The following MTHFD1L variants were observed in gnomAD, a reference collection of about 807,000 sequenced individuals.
MTHFD1L encodes monofunctional C1-tetrahydrofolate synthase, mitochondrial.
Under a neutral mutation model 119.5 loss-of-function variants are expected in MTHFD1L, and 81 were observed. That is an observed-to-expected ratio of 0.68 (90% confidence interval 0.57 to 0.82). The LOEUF is 0.82. Among genes scored for constraint, MTHFD1L ranks in the 40% least tolerant of loss-of-function variants. The pLI is 0.00. For missense variants in MTHFD1L, 1,125 were observed against 1,253.4 expected, an observed-to-expected ratio of 0.90 and a Z score of 1.55; for synonymous variants, 430 against 475.2, an observed-to-expected ratio of 0.90 and a Z score of 1.24.
At chr6:150,948,613 C>T (rs937144031) in intron 15 of MTHFD1L, among the ~76,000 whole-genome samples, 2 of 151,136 alleles carry the variant, frequency 1.3e-5, no homozygotes, top group Non-Finnish European at 2.9e-5. Context: ...CATGAGCCAC[C>T]GCACCTGGCC....
rs779541691 is a variant in MTHFD1L, at chr6:151,000,439, C to T, written c.2126-9380C>T. ...TAGTTCTATATACTTCCTGGAAATT[C>T]GACTCCAAGATATTTAATAAAACTA... On this transcript the variant is annotated intron_variant, in intron 20 of 27. Coordinates refer to ENST00000367321, the MANE Select transcript of MTHFD1L (RefSeq NM_015440.5). Among the ~76,000 whole-genome samples the T allele has an allele frequency of 3.3e-5, 5 of 151,684 alleles. No homozygotes were observed. The South Asian group carries it at 8.3e-4, about 25-fold the overall frequency.
chr6:150,979,311 T>C (rs1244612141), intron 20 of MTHFD1L, among the ~76,000 whole-genome samples: 1 of 151,842 alleles, frequency 6.6e-6, no homozygotes, highest in Non-Finnish European at 1.5e-5. Context: ...CCAATATAAC[T>C]ATATTGTACC....
At chr6:150,997,772 AAAAAC>A (rs1224522274) in intron 20 of MTHFD1L, among the ~76,000 whole-genome samples, 2 of 152,196 alleles carry the variant, frequency 1.3e-5, no homozygotes, top group Non-Finnish European at 2.9e-5. Flanking sequence ...GCCTGTCTCA[AAAAAC>A]AAAACAAAAA....
intron 20 of MTHFD1L, among the ~76,000 whole-genome samples, chr6:150,996,334 C>G (rs1779803161): frequency 6.6e-6 from 1 of 152,002 alleles, no homozygotes; most frequent in Non-Finnish European, 1.5e-5. Flanking sequence ...ATCTGCTCAC[C>G]CAGGTCATCT....
chr6:151,014,884 T>G lies in MTHFD1L; in HGVS notation c.2312T>G (p.Ile771Ser). The change falls in exon 23 of 28, where the codon ATC becomes AGC. Residue 771 changes from isoleucine (I) to serine (S), a missense_variant. Physicochemically the swap from Ile to Ser is moderately radical, Grantham distance 142 (BLOSUM62 -2). Around this residue, in one of 3 missense-constraint regions of MTHFD1L, gnomAD observed 1,058 missense variants for 1,151.2 expected, o/e 0.92. Transcript: ENST00000367321. ...TTGCTTTTTTCTTTTTTACAGAACATCCAGCTGGTGGCAGACGGCTGCTGT... is the reference window on the plus strand; with the variant it reads ...TTGCTTTTTTCTTTTTTACAGAACAGCCAGCTGGTGGCAGACGGCTGCTGT... ...PLKKEYTEENIQLVADGCCNL... is the reference protein window; with the variant it reads ...PLKKEYTEENSQLVADGCCNL... 1 of 1,613,986 alleles carries G rather than the reference T, an allele frequency of 6.2e-7. No homozygotes were observed. The highest frequency in any genetic ancestry group is 8.5e-7 in the Non-Finnish European group (1 of 1,179,932).
chr6:151,047,636 G>A (rs1788302120), intron 26 of MTHFD1L, among the ~76,000 whole-genome samples: 1 of 152,164 alleles, frequency 6.6e-6, no homozygotes. Flanking sequence ...TTCCATCCTA[G>A]ACATCAGTCT....
At chr6:150,951,033 G>GTTTTTTTTTTTTTTTTT (rs562283052) in intron 16 of MTHFD1L, among the ~76,000 whole-genome samples, 1 of 125,924 alleles carries the variant, frequency 7.9e-6, no homozygotes, top group Non-Finnish European at 1.7e-5. Flanking sequence ...AAACTTTATG[G>GTTTTTTTTTTTTTTTTT]TTTTTTTTTT....
chr6:150,962,935 A>T (rs1226956697), intron 18 of MTHFD1L, among the ~76,000 whole-genome samples: 49 of 69,868 alleles, frequency 7.0e-4, no homozygotes, highest in Admixed American at 5.9e-3. Context: ...TTTTTTTTTG[A>T]GATGGAGTCT....
chr6:150,947,760 G>A (rs1001845560), intron 15 of MTHFD1L, among the ~76,000 whole-genome samples: 3 of 152,134 alleles, frequency 2.0e-5, no homozygotes, highest in Non-Finnish European at 4.4e-5. Flanking sequence ...TCTGAGCAGC[G>A]TACATGGTGG....
intron 27 of MTHFD1L, chr6:151,099,672 C>T: frequency 6.2e-7 from 1 of 1,605,870 alleles, no homozygotes; most frequent in South Asian, 1.1e-5. Context: ...GTAGAAGATT[C>T]AGGGTCCAGA....
At chr6:151,018,685 G>T (rs1438710473) in intron 24 of MTHFD1L, among the ~76,000 whole-genome samples, 1 of 152,154 alleles carries the variant, frequency 6.6e-6, no homozygotes, top group Non-Finnish European at 1.5e-5. Context: ...GGTCTGGGGG[G>T]AGACATAGTT....
chr6:150,898,827 GATT>G (rs149723194), intron 7 of MTHFD1L: 227 of 352,686 alleles, frequency 6.4e-4, no homozygotes, highest in South Asian at 7.9e-4. Context: ...GTATAGGGAA[GATT>G]ATTATTATTA....
At chr6:151,019,846 T>C (rs1401113501) in intron 24 of MTHFD1L, among the ~76,000 whole-genome samples, 1 of 152,214 alleles carries the variant, frequency 6.6e-6, no homozygotes, top group African/African-American at 2.4e-5. Context: ...CAGTCAGTAA[T>C]AGAGCTCAAG....
intron 26 of MTHFD1L, among the ~76,000 whole-genome samples, chr6:151,067,074 A>G (rs1791381138): frequency 6.7e-6 from 1 of 150,014 alleles, no homozygotes; most frequent in Non-Finnish European, 1.5e-5. Flanking sequence ...GCTCACTGCA[A>G]CCTCTGCCTC....
intron 6 of MTHFD1L, 47 bp from the exon 7 acceptor site, chr6:150,887,798 G>A (rs1228991654): frequency 6.6e-7 from 1 of 1,521,058 alleles, no homozygotes; most frequent in Non-Finnish European, 8.8e-7. Context: ...CTTAAAGGAA[G>A]GATCTGAAGT....
intron 24 of MTHFD1L, among the ~76,000 whole-genome samples, chr6:151,025,161 C>T (rs1024245866): frequency 1.3e-5 from 2 of 152,210 alleles, no homozygotes; most frequent in East Asian, 1.9e-4. Context: ...CCAGGTTTGC[C>T]GTAGAAGGAT....
intron 8 of MTHFD1L, among the ~76,000 whole-genome samples, chr6:150,916,294 T>C (rs904581156): frequency 1.0e-5 from 1 of 99,488 alleles, no homozygotes; most frequent in African/African-American, 3.7e-5. Context: ...GGTAGAATCT[T>C]TTTTTTTTTT....
chr6:150,951,659 A>G (rs1794895535), intron 16 of MTHFD1L, among the ~76,000 whole-genome samples: 1 of 152,208 alleles, frequency 6.6e-6, no homozygotes, highest in Admixed American at 6.5e-5. Context: ...GAAAACACCA[A>G]CAGCATTTTA....
At position 151,041,771 on chromosome 6, in the gene MTHFD1L, T is replaced by C. The variant is rs530351515; in HGVS notation, c.2847+4654T>C. 152 of 531,180 alleles carry C rather than the reference T, an allele frequency of 2.9e-4. 2 individuals are homozygous for C. The highest frequency in any genetic ancestry group is 1.8e-3 in the South Asian group (125 of 70,934). 32.9% of individuals were successfully genotyped at this position (531,180 alleles called of 1,614,324 possible). ...GCAGAAAGCCCCTCTTGTTGTGTCC[T>C]CAAGGGAGGCAGAGAAGCTCCCCTC... On this transcript the variant is annotated intron_variant, in intron 26 of 27. Coordinates refer to ENST00000367321, the MANE Select transcript of MTHFD1L (RefSeq NM_015440.5).
Sources: gnomAD v4.1 joint callset for allele counts (sites outside exome capture counted in the v4.1 genomes callset) on GRCh38, gnomAD v4.1.1 for gene constraint, gnomAD v4.1.1 regional missense constraint, MANE v1.5 for transcripts, NCBI Gene and HGNC (gene_info 2026-07-23, HGNC 2026-07-21) for gene names.